The following PLA2G15 variants were observed in gnomAD, a reference collection of about 807,000 sequenced individuals.
The protein encoded by PLA2G15 is phospholipase A2 group XV.
PLA2G15 carries 20 observed loss-of-function variants against 40.9 expected under a neutral mutation model. That is an observed-to-expected ratio of 0.49 (90% CI 0.34 to 0.71). PLA2G15 has a LOEUF of 0.71. PLA2G15 is among the 30% of genes least tolerant of loss of function. The pLI, the probability that PLA2G15 is intolerant of heterozygous loss-of-function variation, is 0.01. For missense variants in PLA2G15, 471 were observed against 541.9 expected (o/e 0.87, Z 1.30); for synonymous variants, 223 against 228.2 (o/e 0.98, Z 0.21).
chr16:68,247,752 C>T (rs2042320811), intron 1 of PLA2G15, among the ~76,000 whole-genome samples: 2 of 152,168 alleles, frequency 1.3e-5, no homozygotes, highest in Non-Finnish European at 2.9e-5. Context: ...GAGGGCACGC[C>T]CTGTTCAGGG....
In PLA2G15 at chr16:68,247,824, T is replaced by C. The variant is rs191741977; in HGVS notation, c.128-1466T>C. Among the ~76,000 whole-genome samples, 3 of 152,322 alleles carry C rather than the reference T, an allele frequency of 2.0e-5. No individual in the cohort carries two copies. The East Asian group carries it at 5.8e-4, about 29-fold the overall frequency. ...AGCCAAGTGCTGGTTTTTCACTCAA[T>C]GATCATGGACCCTAAACGGGGATGT... On this transcript the variant is annotated intron_variant, in intron 1 of 5. Coordinates refer to ENST00000219345, the MANE Select transcript of PLA2G15 (RefSeq NM_012320.4).
At chr16:68,253,691 GT>G (rs58831503) in intron 2 of PLA2G15, among the ~76,000 whole-genome samples, 169 of 124,866 alleles carry the variant, frequency 1.4e-3, no homozygotes, top group Non-Finnish European at 1.3e-3. Flanking sequence ...GTTTTGTTTT[GT>G]TTTTTTTTTT....
Position 68,259,138 on chromosome 16 carries a change from C to G in PLA2G15, c.728-8C>G. The G allele has an allele frequency of 8.1e-6, 13 of 1,606,158 alleles. No individual in the cohort carries two copies. Among genetic ancestry groups the G allele is most frequent in the Non-Finnish European group, 1.1e-5 (13 of 1,176,056 alleles). On this transcript the variant is annotated splice_polypyrimidine_tract_variant and splice_region_variant and intron_variant, in intron 5 of 5. Coordinates refer to ENST00000219345, the MANE Select transcript of PLA2G15 (RefSeq NM_012320.4). The surrounding 1 kb of genome is among the most constrained non-coding windows in gnomAD (Gnocchi z 6.5). ...AAGCACAGACTGACCAGAGCCTTCT[C>G]CCTGCAGGAGACAACAACCGGATCC...
Position 68,259,942 on chromosome 16 carries a change from G to A in PLA2G15, c.*285G>A. 2 of 480,534 alleles carry A rather than the reference G, an allele frequency of 4.2e-6. No homozygotes were observed. Among genetic ancestry groups the A allele is most frequent in the South Asian group, 2.4e-5 (1 of 41,694 alleles). 29.8% of individuals were successfully genotyped at this position (480,534 alleles called of 1,614,324 possible). The stretch of plus-strand genomic sequence containing the variant: ...CTGGCTCCACAGGGTGGACTGGCTG[G>A]GCCCTGGTCCCAGTCCCTGCCTGGG... On this transcript the variant is annotated 3_prime_UTR_variant, in exon 6 of 6. Coordinates refer to ENST00000219345, the MANE Select transcript of PLA2G15 (RefSeq NM_012320.4). This position sits in a 1 kb window ranked among gnomAD's most constrained non-coding sequence, Gnocchi z 6.5.
rs1304795694 is a variant in PLA2G15, at chr16:68,247,099, A to C, written c.127+1546A>C. Among the ~76,000 whole-genome samples the C allele has an allele frequency of 2.6e-5, 4 of 152,106 alleles. No individual in the cohort carries two copies. In the East Asian group the frequency reaches 5.8e-4, roughly 22 times the overall value. On this transcript the variant is annotated intron_variant, in intron 1 of 5. Transcript: ENST00000219345. ...ACCCCACCCAGAATCACAGAGCAGC[A>C]GGAGTCCTAACATGCCCAGCTTCTC...
At position 68,249,452 on chromosome 16, in the gene PLA2G15, G is replaced by T; in HGVS notation, c.284+6G>T. 3 of 1,613,910 alleles carry T rather than the reference G, an allele frequency of 1.9e-6. No individual in the cohort carries two copies. Among genetic ancestry groups the T allele is most frequent in the Non-Finnish European group, 1.7e-6 (2 of 1,179,850 alleles). ...TGCTGGATTGACAATATCAGGTGGG[G>T]GCTGGGGCACACAGAGGGGGGTGCT... is the stretch of plus-strand genomic sequence containing the variant. On this transcript the variant is annotated splice_donor_region_variant and intron_variant, in intron 2 of 5. Transcript: ENST00000219345.
chr16:68,253,700 T>C (rs1435833682), intron 2 of PLA2G15, among the ~76,000 whole-genome samples: 1 of 150,432 alleles, frequency 6.6e-6, no homozygotes, highest in Non-Finnish European at 1.5e-5. Context: ...TGTTTTTTTT[T>C]TTTTTTTGAG....
At chr16:68,256,644 G>T (rs924308596) in intron 5 of PLA2G15, among the ~76,000 whole-genome samples, 1 of 152,078 alleles carries the variant, frequency 6.6e-6, no homozygotes, top group African/African-American at 2.4e-5. Context: ...CTGAGTAGCT[G>T]GGATTACAGG....
At chr16:68,251,668 C>G (rs1487315501) in intron 2 of PLA2G15, among the ~76,000 whole-genome samples, 1 of 151,782 alleles carries the variant, frequency 6.6e-6, no homozygotes, top group Non-Finnish European at 1.5e-5. Context: ...GGTGACAGTA[C>G]AAGACTCCAT....
At chr16:68,256,575 G>A (rs1449344223) in intron 5 of PLA2G15, among the ~76,000 whole-genome samples, 1 of 152,036 alleles carries the variant, frequency 6.6e-6, no homozygotes, top group African/African-American at 2.4e-5. Flanking sequence ...ATGCAGTGGT[G>A]CAATCTTGTC....
At chr16:68,248,249 T>G (rs553765109) in intron 1 of PLA2G15, 1 of 152,358 alleles carries the variant, frequency 6.6e-6, no homozygotes, top group East Asian at 1.9e-4. Context: ...ATACTTTGTC[T>G]GGTTGAATTT....
At position 68,255,597 on chromosome 16, in the gene PLA2G15, G is replaced by T; in HGVS notation, c.503-169G>T. On this transcript the variant is annotated intron_variant, in intron 4 of 5. Transcript: ENST00000219345. This position sits in a 1 kb window ranked among gnomAD's most constrained non-coding sequence, Gnocchi z 5.9. ...CCTCTGGGCCTGTGAGCCCTGGGGA[G>T]AAATATAAGGCTTCCTCCCTTCATG... The T allele has an allele frequency of 1.5e-6, 1 of 659,134 alleles. No individual in the cohort carries two copies. Among genetic ancestry groups the T allele is most frequent in the Non-Finnish European group, 2.7e-6 (1 of 376,940 alleles). 40.8% of individuals were successfully genotyped at this position (659,134 alleles called of 1,614,324 possible). A position where few individuals can be genotyped will look rare whatever the true frequency, so the allele number is the denominator to read the frequency against.
At position 68,259,527 on chromosome 16, in the gene PLA2G15, A is replaced by G; in HGVS notation, c.1109A>G (p.Gln370Arg). The G allele has an allele frequency of 6.2e-7, 1 of 1,613,354 alleles. No individual in the cohort carries two copies. Among genetic ancestry groups the G allele is most frequent in the Admixed American group, 1.7e-5 (1 of 60,034 alleles). The change falls in exon 6 of 6, where the codon CAG becomes CGG. Residue 370 changes from glutamine to arginine, a missense_variant. Gln to Arg is a conservative substitution (Grantham distance 43). Transcript: ENST00000219345. This position sits in a 1 kb window ranked among gnomAD's most constrained non-coding sequence, Gnocchi z 6.5. ...ACTGTGAACTTGAAGAGTGCCCTGC[A>G]GTGCCAGGCCTGGCAGAGCCGCCAG... ...DGTVNLKSAL[Q>R]CQAWQSRQEH... is the part of the protein sequence containing the mutation.
chr16:68,253,018 T>C (rs1209814987), intron 2 of PLA2G15, among the ~76,000 whole-genome samples: 3 of 152,128 alleles, frequency 2.0e-5, no homozygotes, highest in Admixed American at 2.0e-4. Context: ...TTAGGGATCT[T>C]AAGTCAGTAG....
Position 68,259,559 on chromosome 16 carries a change from C to G in PLA2G15, c.1141C>G (p.Gln381Glu). Residue 381 changes from glutamine (Q) to glutamate (E), a missense_variant, in exon 6 of 6, where the codon CAA (glutamine) becomes GAA (glutamate). Gln to Glu is a conservative substitution (Grantham distance 29). Coordinates refer to ENST00000219345, the MANE Select transcript of PLA2G15 (RefSeq NM_012320.4). This position sits in a 1 kb window ranked among gnomAD's most constrained non-coding sequence, Gnocchi z 6.5. ...GGCCTGGCAGAGCCGCCAGGAGCAC[C>G]AAGTGTTGCTGCAGGAGCTGCCAGG... is the stretch of plus-strand genomic sequence containing the variant. The part of the protein sequence containing the change: ...CQAWQSRQEH[Q>E]VLLQELPGSE... 1.2e-6 allele frequency: 2 copies of G among 1,613,512 alleles called. No individual in the cohort carries two copies. The highest frequency in any genetic ancestry group is 8.5e-7 in the Non-Finnish European group (1 of 1,180,010).
At chr16:68,247,361 C>T (rs1156453731) in intron 1 of PLA2G15, among the ~76,000 whole-genome samples, 1 of 152,170 alleles carries the variant, frequency 6.6e-6, no homozygotes, top group Non-Finnish European at 1.5e-5. Flanking sequence ...CCTCAGTCTC[C>T]CCATCTGTTA....
chr16:68,245,507 C>G lies in PLA2G15; in HGVS notation c.81C>G (p.Leu27=). Residue 27 remains leucine (L), a synonymous_variant, in exon 1 of 6, where the codon CTC becomes CTG. Coordinates refer to ENST00000219345, the MANE Select transcript of PLA2G15 (RefSeq NM_012320.4). ...TCCTCTTGCTGCTGCTAATGCTGCT[C>G]GCGGACCCAGCGCTCCCGGCCGGAC... is the stretch of plus-strand genomic sequence containing the variant. ...LLFLLLLLML[L]ADPALPAGRH... The G allele has an allele frequency of 6.2e-7, 1 of 1,602,622 alleles. No individual in the cohort carries two copies. The highest frequency in any genetic ancestry group is 8.5e-7 in the Non-Finnish European group (1 of 1,178,306).
chr16:68,254,740 G>A, intron 2 of PLA2G15, 179 bp from the exon 3 acceptor site: 3 of 588,914 alleles, frequency 5.1e-6, no homozygotes, highest in Non-Finnish European at 9.1e-6. Flanking sequence ...CTCCCTAAGT[G>A]CTGGGATTAC....
intron 5 of PLA2G15, among the ~76,000 whole-genome samples, chr16:68,257,042 G>A (rs1040499929): frequency 2.0e-5 from 3 of 151,754 alleles, no homozygotes; most frequent in African/African-American, 7.3e-5. Context: ...CACCACACCC[G>A]GCTAATTTTT....
Sources: allele counts gnomAD v4.1 joint callset (sites outside exome capture counted in the v4.1 genomes callset), GRCh38; gene constraint gnomAD v4.1.1; non-coding constraint Gnocchi (gnomAD v3.1); transcripts MANE v1.5; gene names NCBI Gene and HGNC (gene_info 2026-07-23, HGNC 2026-07-21).